ATP2B2: variants seen among roughly 807,000 people sequenced by gnomAD.
ATP2B2 encodes the protein ATPase plasma membrane Ca2+ transporting 2.
A neutral mutation model predicts 120.0 loss-of-function variants in ATP2B2; 15 were observed. The observed-to-expected ratio is 0.12, with a 90% CI of 0.08 to 0.19. The LOEUF is 0.19. Ranked by LOEUF, ATP2B2 falls within the 10% of genes least tolerant of loss-of-function variation. The pLI, the probability that ATP2B2 is intolerant of heterozygous loss-of-function variation, is 1.00. For missense variants in ATP2B2, 1,045 were observed against 1,719.8 expected, an observed-to-expected ratio of 0.61 and a Z score of 6.94; for synonymous variants, 694 against 700.3, an observed-to-expected ratio of 0.99 and a Z score of 0.14.
intron 1 of ATP2B2, among the ~76,000 whole-genome samples, chr3:10,697,407 G>C: frequency 6.6e-6 from 1 of 152,066 alleles, no homozygotes; most frequent in East Asian, 1.9e-4. Context: ...CTATAAAATG[G>C]GGACAGAAGG....
intron 2 of ATP2B2, among the ~76,000 whole-genome samples, chr3:10,611,853 T>C (rs2069248064): frequency 6.6e-6 from 1 of 152,170 alleles, no homozygotes; most frequent in Non-Finnish European, 1.5e-5. Context: ...ACCACCAGTG[T>C]CATAAGTGTT....
At chr3:10,459,094 T>C (rs367762188) in intron 1 of ATP2B2, among the ~76,000 whole-genome samples, 104 of 152,368 alleles carry the variant, frequency 6.8e-4, no homozygotes, top group Middle Eastern at 3.4e-3. Context: ...CAAGTCGTGC[T>C]TGGCTGGAGG....
At chr3:10,643,572 A>T (rs1473548966) in intron 1 of ATP2B2, among the ~76,000 whole-genome samples, 1 of 152,230 alleles carries the variant, frequency 6.6e-6, no homozygotes, top group Non-Finnish European at 1.5e-5. Flanking sequence ...CATGCCTGGG[A>T]AAGACAGCAC....
At chr3:10,598,782 G>C (rs1370368901) in intron 2 of ATP2B2, among the ~76,000 whole-genome samples, 1 of 152,238 alleles carries the variant, frequency 6.6e-6, no homozygotes, top group East Asian at 1.9e-4. Context: ...ATTTAACCAA[G>C]AGGAGGGCAT....
chr3:10,351,107 C>T (rs2060566733), intron 14 of ATP2B2, among the ~76,000 whole-genome samples: 1 of 152,234 alleles, frequency 6.6e-6, no homozygotes, highest in African/African-American at 2.4e-5. Context: ...AAGGATTATG[C>T]TTCAGGTAAA....
At chr3:10,493,699 C>A (rs113733251) in intron 1 of ATP2B2, among the ~76,000 whole-genome samples, 8,581 of 152,256 alleles carry the variant, frequency 0.056, 568 homozygotes, top group African/African-American at 0.16. Context: ...TACATGCATG[C>A]ACTCAACAGT....
intron 1 of ATP2B2, among the ~76,000 whole-genome samples, chr3:10,634,381 C>T (rs1302640488): frequency 1.3e-5 from 2 of 152,210 alleles, no homozygotes; most frequent in Non-Finnish European, 2.9e-5. Context: ...CCAAGGTGAC[C>T]CCACTGGGGG....
intron 2 of ATP2B2, among the ~76,000 whole-genome samples, chr3:10,614,204 C>A (rs2125613321): frequency 6.6e-6 from 1 of 152,200 alleles, no homozygotes; most frequent in East Asian, 1.9e-4. Context: ...AGGCAGGAAC[C>A]ACGTCTACTT....
At chr3:10,490,108 C>A (rs1479515599) in intron 1 of ATP2B2, among the ~76,000 whole-genome samples, 1 of 152,234 alleles carries the variant, frequency 6.6e-6, no homozygotes, top group Non-Finnish European at 1.5e-5. Context: ...ACAGCCCCGA[C>A]AACAGGCCAG....
chr3:10,340,802 G>A lies in ATP2B2; in HGVS notation c.2918-98C>T, dbSNP rs985110541. 25 of 1,217,888 alleles carry A rather than the reference G, an allele frequency of 2.1e-5. No individual in the cohort carries two copies. The highest frequency in any genetic ancestry group is 2.0e-4 in the Middle Eastern group (1 of 4,970). 75.4% of individuals were successfully genotyped at this position (1,217,888 alleles called of 1,614,324 possible). ...GTGGGGGCCTCTTCTGAGCAGTGAC[G>A]TGAATCCCCAAGACATCAAGGCATG... is the stretch of plus-strand genomic sequence containing the variant. On this transcript the variant is annotated intron_variant, in intron 19 of 22. Transcript: ENST00000360273. The surrounding 1 kb of genome is among the most constrained non-coding windows in gnomAD (Gnocchi z 5.0).
intron 11 of ATP2B2, among the ~76,000 whole-genome samples, chr3:10,374,919 A>G (rs1053007355): frequency 9.9e-5 from 15 of 152,216 alleles, no homozygotes; most frequent in Non-Finnish European, 2.1e-4. Flanking sequence ...CTCACACTTC[A>G]GGGAGCCACC....
At chr3:10,603,577 C>T (rs953018167) in intron 2 of ATP2B2, among the ~76,000 whole-genome samples, 7 of 152,266 alleles carry the variant, frequency 4.6e-5, no homozygotes, top group South Asian at 2.1e-4. Context: ...CTCTTGCAAG[C>T]GTTCATGATA....
rs539221638 is a variant in ATP2B2, at chr3:10,607,458, G to C, written c.-415+12459C>G. On this transcript the variant is annotated intron_variant, in intron 2 of 21. Transcript: ENST00000646379. ...AGAGTCCCTGGACTCCCTGGAGAGGGGTCAGTGGTGAGCCAAGGCAGTGCC... is the reference window on the plus strand; with the variant it reads ...AGAGTCCCTGGACTCCCTGGAGAGGCGTCAGTGGTGAGCCAAGGCAGTGCC... 6.6e-5 allele frequency among the ~76,000 whole-genome samples: 10 copies of C among 152,272 alleles called. No homozygotes were observed. The South Asian group carries it at 2.1e-3, about 32-fold the overall frequency.
At chr3:10,537,494 C>T (rs1005746920) in intron 2 of ATP2B2, among the ~76,000 whole-genome samples, 3 of 149,866 alleles carry the variant, frequency 2.0e-5, no homozygotes, top group Non-Finnish European at 4.4e-5. Flanking sequence ...GTATCCATTG[C>T]TAGTGTATGA....
intron 5 of ATP2B2, among the ~76,000 whole-genome samples, chr3:10,391,525 C>T (rs2061849202): frequency 6.6e-6 from 1 of 152,220 alleles, no homozygotes; most frequent in Non-Finnish European, 1.5e-5. Flanking sequence ...CTAATCTAAT[C>T]ACTCCCATCG....
chr3:10,353,895 TTC>T (rs1428176785), intron 14 of ATP2B2, among the ~76,000 whole-genome samples: 1 of 152,174 alleles, frequency 6.6e-6, no homozygotes, highest in African/African-American at 2.4e-5. Flanking sequence ...GTATCCACCC[TTC>T]AGCAAGGCTG....
At chr3:10,368,014 C>T (rs1250988471) in intron 12 of ATP2B2, among the ~76,000 whole-genome samples, 1 of 152,164 alleles carries the variant, frequency 6.6e-6, no homozygotes, top group Admixed American at 6.5e-5. Context: ...ACCTCTTAAC[C>T]ATTGCTTCCT....
chr3:10,501,299 G>A (rs1402833837), intron 1 of ATP2B2, among the ~76,000 whole-genome samples: 3 of 152,146 alleles, frequency 2.0e-5, no homozygotes, highest in East Asian at 3.8e-4. Context: ...AGTGAAGACC[G>A]GGGTGAAGCC....
At chr3:10,510,287 G>A (rs187413660), upstream of ATP2B2, among the ~76,000 whole-genome samples, 13 of 152,332 alleles carry the variant, frequency 8.5e-5, no homozygotes, top group Middle Eastern at 3.4e-3. Context: ...CACACACCTC[G>A]TGTGTTCCTC....
Sources: gnomAD v4.1 joint callset for allele counts (sites outside exome capture counted in the v4.1 genomes callset) on GRCh38, gnomAD v4.1.1 for gene constraint, Gnocchi (gnomAD v3.1) non-coding constraint, MANE v1.5 for transcripts, NCBI Gene and HGNC (gene_info 2026-07-23, HGNC 2026-07-21) for gene names.